Variants in TOR2A observed in about 807,000 individuals in gnomAD.
The protein encoded by TOR2A is torsin family 2 member A.
TOR2A carries 24 observed loss-of-function variants against 28.6 expected under a neutral mutation model. The ratio of observed to expected loss-of-function variants is 0.84; its 90% CI spans 0.61 to 1.18. The LOEUF is 1.18. TOR2A is among the 50% of genes most tolerant of loss of function. TOR2A has a pLI of 0.00. For synonymous variants in TOR2A, 203 were observed against 203.1 expected (o/e 1.00, Z 0.00); for missense variants, 426 against 448.1 (o/e 0.95, Z 0.45).
At position 127,735,246 on chromosome 9, in the gene TOR2A, G is replaced by GGCAGCCGCGCGTC; in HGVS notation, c.12_24dup (p.Arg9AspfsTer51). 1 of 1,420,764 alleles carries GGCAGCCGCGCGTC rather than the reference G, an allele frequency of 7.0e-7. No homozygotes were observed. Among genetic ancestry groups the GGCAGCCGCGCGTC allele is most frequent in the Non-Finnish European group, 9.1e-7 (1 of 1,097,568 alleles). The allele number at this position is 1,420,764 out of a possible 1,614,324, so 88.0% of individuals were successfully genotyped here. On this transcript the variant is annotated frameshift_variant, in exon 1 of 5. Transcript: ENST00000373284. LOFTEE classifies it high-confidence loss of function. Reference sequence around the variant, plus strand: ...AGCCCGAGGAGCGAGCCCCAGGGCCGGCAGCCGCGCGTCGCAGCCGCCATC... The same window carrying GGCAGCCGCGCGTC: ...AGCCCGAGGAGCGAGCCCCAGGGCCGGCAGCCGCGCGTCGCAGCCGCGCGTCGCAGCCGCCATC...
Position 127,734,853 on chromosome 9 carries a change from TCTC to T in TOR2A, c.151+264_151+266del, listed in dbSNP as rs1216901086. The T allele has an allele frequency of 5.6e-5, 30 of 539,152 alleles. 1 individual carries two copies. The highest frequency in any genetic ancestry group is 5.0e-4 in the African/African-American group (25 of 50,418). 33.4% of individuals were successfully genotyped at this position (539,152 alleles called of 1,614,324 possible). A position where few individuals can be genotyped will look rare whatever the true frequency, so the allele number is the denominator to read the frequency against. On this transcript the variant is annotated intron_variant, in intron 1 of 4. Coordinates refer to ENST00000373284, the MANE Select transcript of TOR2A (RefSeq NM_001085347.3). Reference sequence around the variant, plus strand: ...GCCCATCCCCAAGGCGCACTGCACTTCTCCTTTGACGGCCAGGCCATTCCGGGG... The same window carrying T: ...GCCCATCCCCAAGGCGCACTGCACTTCTTTGACGGCCAGGCCATTCCGGGG...
At chr9:127,735,018 T>C in intron 1 of TOR2A, 102 bp downstream of exon 1, 1 of 1,331,464 alleles carries the variant, frequency 7.5e-7, no homozygotes, top group Non-Finnish European at 9.6e-7. Flanking sequence ...CTCTGGGTCC[T>C]CAGCTTCTCT....
intron 4 of TOR2A, 55 bp from the exon 5 acceptor site, chr9:127,732,333 C>G (rs887242357): frequency 6.6e-7 from 1 of 1,519,898 alleles, no homozygotes; most frequent in African/African-American, 1.4e-5. Flanking sequence ...GGGGAGAAGC[C>G]GGCCCCAAAC....
chr9:127,734,890 G>C, intron 1 of TOR2A: 2 of 630,544 alleles, frequency 3.2e-6, no homozygotes, highest in South Asian at 6.3e-5. Flanking sequence ...GGAGGCCCAA[G>C]AACTTCCACC....
intron 1 of TOR2A, chr9:127,734,881 G>C (rs1844621467): frequency 1.7e-6 from 1 of 593,566 alleles, no homozygotes; most frequent in African/African-American, 1.9e-5. Context: ...CCATTCCGGG[G>C]AGGCCCAAGA....
Position 127,734,355 on chromosome 9 carries a change from G to A in TOR2A, c.361C>T (p.His121Tyr), listed in dbSNP as rs1380235996. The A allele has an allele frequency of 3.1e-6, 5 of 1,610,980 alleles. No homozygotes were observed. Among genetic ancestry groups the A allele is most frequent in the Non-Finnish European group, 4.2e-6 (5 of 1,178,950 alleles). ...AAGTGGAGGACGGGAGAAAAGTGGT[G>A]CACGCGGGGGCTGCGGAGGCCGCCC... ...FQGGLRSPRV[H>Y]HFSPVLHFPH... The change falls in exon 2 of 5, where the codon CAC becomes TAC. Residue 121 changes from histidine (H) to tyrosine (Y), a missense_variant. Physicochemically the swap from His to Tyr is moderately conservative, Grantham distance 83. Coordinates refer to ENST00000373284, the MANE Select transcript of TOR2A (RefSeq NM_001085347.3).
Position 127,734,299 on chromosome 9 carries a change from C to T in TOR2A, c.417G>A (p.Lys139=). ...FPHPSHIERY[K]KDLKSWVQGN... ...GTGGTCAAGGACGCATCCAGCCTAC[C>T]TTGTAGCGCTCGATGTGGCTGGGGT... The change falls in exon 2 of 5, where the codon AAG becomes AAA. Residue 139 remains lysine (K), a splice_region_variant and synonymous_variant. Transcript: ENST00000373284. 6.3e-7 allele frequency: 1 copy of T among 1,589,104 alleles called. No individual in the cohort carries two copies. Among genetic ancestry groups the T allele is most frequent in the Non-Finnish European group, 8.6e-7 (1 of 1,166,908 alleles).
Position 127,731,558 on chromosome 9 carries a change from T to C in TOR2A, c.*476A>G. On this transcript the variant is annotated 3_prime_UTR_variant, in exon 5 of 5. Coordinates refer to ENST00000373284, the MANE Select transcript of TOR2A (RefSeq NM_001085347.3). ...ACAGCTGAGTTTATTATACTTGTTT[T>C]CTTTTACAAAATTAAAAACATCTAA... is the stretch of plus-strand genomic sequence containing the variant. The C allele has an allele frequency of 7.1e-7, 1 of 1,417,386 alleles. No homozygotes were observed. The highest frequency in any genetic ancestry group is 9.2e-7 in the Non-Finnish European group (1 of 1,084,930). 87.8% of individuals were successfully genotyped at this position (1,417,386 alleles called of 1,614,324 possible). A position where few individuals can be genotyped will look rare whatever the true frequency, so the allele number is the denominator to read the frequency against.
chr9:127,732,524 G>T, intron 4 of TOR2A, 40 bp downstream of exon 4: 1 of 1,547,124 alleles, frequency 6.5e-7, no homozygotes, highest in Non-Finnish European at 8.7e-7. Flanking sequence ...CTGGGTGTGG[G>T]GTGAAGCTGC....
intron 3 of TOR2A, 196 bp downstream of exon 3, chr9:127,733,189 A>G (rs200932635): frequency 7.8e-5 from 124 of 1,582,874 alleles, no homozygotes; most frequent in Non-Finnish European, 1.1e-4. Context: ...CTGAGCCCAG[A>G]ATTTGCTGAG....
chr9:127,732,001 C>A lies in TOR2A; in HGVS notation c.*33G>T. 2 of 1,594,914 alleles carry A rather than the reference C, an allele frequency of 1.3e-6. No homozygotes were observed. The highest frequency in any genetic ancestry group is 1.7e-6 in the Non-Finnish European group (2 of 1,169,626). ...CCCTGGCCTTTCCTGCATGGCCTGGCCATCAGGGGGGCCGAGGACACCACT... is the reference window on the plus strand; with the variant it reads ...CCCTGGCCTTTCCTGCATGGCCTGGACATCAGGGGGGCCGAGGACACCACT... On this transcript the variant is annotated 3_prime_UTR_variant, in exon 5 of 5. Coordinates refer to ENST00000373284, the MANE Select transcript of TOR2A (RefSeq NM_001085347.3).
At chr9:127,732,811 A>C in intron 3 of TOR2A, 120 bp from the exon 4 acceptor site, 1 of 1,449,482 alleles carries the variant, frequency 6.9e-7, no homozygotes, top group African/African-American at 1.4e-5. Context: ...GGAGGAGCCA[A>C]CTCCACTGAA....
rs376074923 is a variant in TOR2A at position 127,733,410 on chromosome 9, G to A, written c.568C>T (p.Arg190Cys). 111 of 1,613,704 alleles carry A rather than the reference G, an allele frequency of 6.9e-5. 1 individual carries two copies. Among genetic ancestry groups the A allele is most frequent in the Middle Eastern group, 1.6e-4 (1 of 6,084 alleles). Residue 190 changes from arginine to cysteine, a missense_variant, in exon 3 of 5, where the codon CGC becomes TGC. By Grantham distance (180) the Arg-to-Cys change is radical. Coordinates refer to ENST00000373284, the MANE Select transcript of TOR2A (RefSeq NM_001085347.3). ...CTGATGAAGATGAAGATGGCTTTGC[G>A]GTAATTGGTCCCGTATACCACCCAG... is the stretch of plus-strand genomic sequence containing the variant. ...SSWVVYGTNY[R>C]KAIFIFISNT...
At chr9:127,732,511 C>T in intron 4 of TOR2A, 53 bp downstream of exon 4, 2 of 1,525,728 alleles carry the variant, frequency 1.3e-6, no homozygotes, top group Non-Finnish European at 1.8e-6. Flanking sequence ...GAGAGCCTGG[C>T]CCCTGGGTGT....
chr9:127,732,854 T>G, intron 3 of TOR2A, 163 bp from the exon 4 acceptor site: 1 of 1,431,340 alleles, frequency 7.0e-7, no homozygotes, highest in Admixed American at 2.9e-5. Context: ...GGTGTCCACA[T>G]CCATGGCCCC....
chr9:127,735,085 G>C (rs1351830504), intron 1 of TOR2A, 35 bp downstream of exon 1: 13 of 1,411,170 alleles, frequency 9.2e-6, no homozygotes, highest in Non-Finnish European at 1.2e-5. Flanking sequence ...GCCCGCGTCC[G>C]CCCGCCCCTC....
Position 127,734,327 on chromosome 9 carries a change from G to C in TOR2A, c.389C>G (p.Pro130Arg). ...GTAGCGCTCGATGTGGCTGGGGTGG[G>C]GGAAGTGGAGGACGGGAGAAAAGTG... is the stretch of plus-strand genomic sequence containing the variant. Reference protein sequence around the residue: ...VHHFSPVLHFPHPSHIERYKK... With the variant: ...VHHFSPVLHFRHPSHIERYKK... Residue 130 changes from proline to arginine, a missense_variant, in exon 2 of 5, where the codon CCC becomes CGC. Physicochemically the swap from Pro to Arg is moderately radical, Grantham distance 103. Transcript: ENST00000373284. 1 of 1,603,804 alleles carries C rather than the reference G, an allele frequency of 6.2e-7. No individual in the cohort carries two copies. Among genetic ancestry groups the C allele is most frequent in the Non-Finnish European group, 8.5e-7 (1 of 1,174,824 alleles).
chr9:127,732,127 C>A lies in TOR2A; in HGVS notation c.873G>T (p.Val291=), dbSNP rs772923921. ...LEPRDEVVQA[V]LDSTTFFPED... ...CAGGGAAGAAGGTGGTGCTGTCCAG[C>A]ACAGCCTGGACAACCTCATCCCTTG... The change falls in exon 5 of 5, where the codon GTG becomes GTT. Residue 291 remains valine (V), a synonymous_variant. Coordinates refer to ENST00000373284, the MANE Select transcript of TOR2A (RefSeq NM_001085347.3). 1 of 1,613,710 alleles carries A rather than the reference C, an allele frequency of 6.2e-7. No homozygotes were observed. The highest frequency in any genetic ancestry group is 8.5e-7 in the Non-Finnish European group (1 of 1,180,018).
At position 127,735,100 on chromosome 9, in the gene TOR2A, C is replaced by A. The variant is rs1401727841; in HGVS notation, c.151+20G>T. ...GCCCGCGTCCGCCCGCCCCTCGCTCCGGGCTCCCTGGCGCCTCACCCGGCA... is the reference window on the plus strand; with the variant it reads ...GCCCGCGTCCGCCCGCCCCTCGCTCAGGGCTCCCTGGCGCCTCACCCGGCA... On this transcript the variant is annotated intron_variant, in intron 1 of 4. Coordinates refer to ENST00000373284, the MANE Select transcript of TOR2A (RefSeq NM_001085347.3). The A allele has an allele frequency of 1.9e-5, 28 of 1,447,328 alleles. No individual in the cohort carries two copies. The highest frequency in any genetic ancestry group is 2.4e-5 in the Non-Finnish European group (27 of 1,106,176). 89.7% of individuals were successfully genotyped at this position (1,447,328 alleles called of 1,614,324 possible). A position where few individuals can be genotyped will look rare whatever the true frequency, so the allele number is the denominator to read the frequency against.
Sources: gnomAD v4.1 joint callset for allele counts on GRCh38, gnomAD v4.1.1 for gene constraint, MANE v1.5 for transcripts, NCBI Gene and HGNC (gene_info 2026-07-23, HGNC 2026-07-21) for gene names.